Variants in NDRG4 observed in about 807,000 individuals in gnomAD.
NDRG4 encodes NDRG family member 4, also known as protein NDRG4.
Under a neutral mutation model 55.8 loss-of-function variants are expected in NDRG4, and 38 were observed. The observed-to-expected ratio is 0.68, with a 90% CI of 0.53 to 0.89. The LOEUF (loss-of-function observed/expected upper bound fraction) is 0.89. Ranked by LOEUF, NDRG4 falls within the 40% of genes least tolerant of loss-of-function variation. The pLI, the probability that NDRG4 is intolerant of heterozygous loss-of-function variation, is 0.00. For missense variants in NDRG4, 455 were observed against 468.6 expected (o/e 0.97, Z 0.27); for synonymous variants, 190 against 182.7 (o/e 1.04, Z -0.32).
rs150978842 is a variant in NDRG4, at chr16:58,507,831, G to A, written c.644G>A (p.Arg215Gln). The A allele has an allele frequency of 2.2e-5, 35 of 1,613,944 alleles. No individual in the cohort carries two copies. Among genetic ancestry groups the A allele is most frequent in the Non-Finnish European group, 2.7e-5 (32 of 1,179,996 alleles). ...AGCCGCAGAGACCTGGACATTAACC[G>A]GCCTGGAACGGTGCCCAATGCCAAG... ...YNSRRDLDIN[R>Q]PGTVPNAKTL... The change falls in exon 9 of 15, where the codon CGG becomes CAG. Residue 215 changes from arginine (R) to glutamine (Q), a missense_variant. Arg to Gln is a conservative substitution (Grantham distance 43). Coordinates refer to ENST00000570248, the MANE Select transcript of NDRG4 (RefSeq NM_001242835.2).
intron 1 of NDRG4, among the ~76,000 whole-genome samples, chr16:58,485,217 G>A (rs8063047): frequency 0.85 from 129,274 of 152,128 alleles, 56,126 homozygotes; most frequent in Non-Finnish European, 0.94. Flanking sequence ...CTCTGCCACC[G>A]TGCTGTGGAA....
chr16:58,508,053 A>C, intron 10 of NDRG4, 54 bp downstream of exon 10: 1 of 1,456,668 alleles, frequency 6.9e-7, no homozygotes, highest in Non-Finnish European at 9.3e-7. Flanking sequence ...TGAGGGGCTC[A>C]CTGGCCCCTG....
chr16:58,487,337 A>G (rs1358625229), intron 1 of NDRG4, among the ~76,000 whole-genome samples: 1 of 152,138 alleles, frequency 6.6e-6, no homozygotes, highest in Non-Finnish European at 1.5e-5. Context: ...GCTGACCACC[A>G]TGGTGAAACC....
At chr16:58,483,569 C>T (rs1379168168) in intron 1 of NDRG4, among the ~76,000 whole-genome samples, 1 of 152,170 alleles carries the variant, frequency 6.6e-6, no homozygotes, top group African/African-American at 2.4e-5. Context: ...TTTCCTCTCC[C>T]TCATCCCCTG....
chr16:58,492,489 C>CGTGTGT (rs58901035), intron 2 of NDRG4, among the ~76,000 whole-genome samples: 27 of 124,040 alleles, frequency 2.2e-4, no homozygotes, highest in South Asian at 8.4e-4. Context: ...TCTGCTCCAC[C>CGTGTGT]GTGTGTGTGT....
rs765374511 is a variant in NDRG4, at chr16:58,506,484, T to G, written c.459+11T>G. On this transcript the variant is annotated intron_variant, in intron 6 of 14. Coordinates refer to ENST00000570248, the MANE Select transcript of NDRG4 (RefSeq NM_001242835.2). The stretch of plus-strand genomic sequence containing the variant: ...TGGGCTGCCACCAAGGTGTGTGTGG[T>G]GACCGGGGGTGGGGTGGGTATACCT... 6.3e-7 allele frequency: 1 copy of G among 1,595,746 alleles called. No individual in the cohort carries two copies. The highest frequency in any genetic ancestry group is 1.1e-5 in the South Asian group (1 of 89,900).
chr16:58,473,600 A>T (rs570405646), intron 1 of NDRG4, among the ~76,000 whole-genome samples: 1 of 151,980 alleles, frequency 6.6e-6, no homozygotes. Context: ...ATCCTTCCAT[A>T]GCTCCACCAA....
chr16:58,507,425 CCTCA>C, intron 8 of NDRG4: 1 of 356,644 alleles, frequency 2.8e-6, no homozygotes, highest in Admixed American at 4.2e-5. Context: ...GGCCAGGCCC[CCTCA>C]CTCACGTGCC....
At chr16:58,505,523 C>T (rs932290127) in intron 5 of NDRG4, among the ~76,000 whole-genome samples, 15 of 151,558 alleles carry the variant, frequency 9.9e-5, no homozygotes, top group Admixed American at 4.6e-4. Context: ...GTTGCAATGT[C>T]AGCACTTAAT....
chr16:58,477,674 C>A (rs1038840009), intron 1 of NDRG4, among the ~76,000 whole-genome samples: 1 of 147,168 alleles, frequency 6.8e-6, no homozygotes, highest in Non-Finnish European at 1.5e-5. Flanking sequence ...TCTTCTTTTC[C>A]TCAGCAGGAA....
rs778996022 is a variant in NDRG4, at chr16:58,511,414, G to A, written c.905-8G>A. The A allele has an allele frequency of 5.6e-6, 9 of 1,599,014 alleles. No homozygotes were observed. Among genetic ancestry groups the A allele is most frequent in the South Asian group, 1.1e-5 (1 of 89,956 alleles). ...CAGTCCTCAGGCCCATCCTGTCTCTGTCCACAGTGCCCTCAGCCAGCATGA... is the reference window on the plus strand; with the variant it reads ...CAGTCCTCAGGCCCATCCTGTCTCTATCCACAGTGCCCTCAGCCAGCATGA... On this transcript the variant is annotated splice_region_variant and splice_polypyrimidine_tract_variant and intron_variant, in intron 14 of 14. Transcript: ENST00000570248.
At chr16:58,510,188 G>T (rs1039750276) in intron 13 of NDRG4, among the ~76,000 whole-genome samples, 18 of 152,354 alleles carry the variant, frequency 1.2e-4, no homozygotes, top group Non-Finnish European at 2.4e-4. Flanking sequence ...CAGAGCCCTA[G>T]GGCCCACAGG....
intron 1 of NDRG4, among the ~76,000 whole-genome samples, chr16:58,482,495 ATGTGT>A (rs1240590129): frequency 2.0e-5 from 3 of 151,848 alleles, no homozygotes; most frequent in African/African-American, 4.8e-5. Flanking sequence ...GTGATCCTTC[ATGTGT>A]AGCACTGTCC....
At chr16:58,507,775 ACCTCTG>A (rs2038233228) in intron 8 of NDRG4, 27 bp from the exon 9 acceptor site, 13 of 1,609,250 alleles carry the variant, frequency 8.1e-6, no homozygotes, top group Non-Finnish European at 8.5e-6. Context: ...TGGGGTGCCC[ACCTCTG>A]CCTCTGCCCC....
intron 1 of NDRG4, among the ~76,000 whole-genome samples, chr16:58,471,524 C>T (rs571845149): frequency 6.6e-6 from 1 of 152,198 alleles, no homozygotes; most frequent in African/African-American, 2.4e-5. Flanking sequence ...TGAAGAGCAT[C>T]ACACAAACCT....
In NDRG4 at chr16:58,482,725, C is replaced by T. The variant is rs12149689; in HGVS notation, c.-23-5031C>T. 2.3e-5 allele frequency among the ~76,000 whole-genome samples: 3 copies of T among 131,182 alleles called. No individual in the cohort carries two copies. In the Admixed American group the frequency reaches 2.6e-4, roughly 11 times the overall value. The allele number at this position is 131,182 out of a possible 152,430, so 86.1% of individuals were successfully genotyped here. A position where few individuals can be genotyped will look rare whatever the true frequency, so the allele number is the denominator to read the frequency against. The stretch of plus-strand genomic sequence containing the variant: ...CCTCCCTCCTTTCCTTCCTCCCTCC[C>T]TCCCTCCCTTCCTTCCTCCCTCCCT... On this transcript the variant is annotated intron_variant, in intron 1 of 15. Coordinates refer to the NDRG4 transcript ENST00000258187.
chr16:58,502,804 T>G (rs957314767), intron 1 of NDRG4, among the ~76,000 whole-genome samples: 8 of 152,210 alleles, frequency 5.3e-5, no homozygotes, highest in Non-Finnish European at 1.2e-4. Flanking sequence ...CTCACAATGA[T>G]GCAGAGAGGA....
Position 58,507,796 on chromosome 16 carries a change from C to T in NDRG4, c.621-12C>T. 1 of 1,612,998 alleles carries T rather than the reference C, an allele frequency of 6.2e-7. No homozygotes were observed. The highest frequency in any genetic ancestry group is 8.5e-7 in the Non-Finnish European group (1 of 1,179,656). On this transcript the variant is annotated splice_polypyrimidine_tract_variant and intron_variant, in intron 8 of 14. Transcript: ENST00000570248. ...GCCCACCTCTGCCTCTGCCCCTCCC[C>T]CTGCCCCACAGCCGCAGAGACCTGG...
In NDRG4 at chr16:58,504,278, G is replaced by A; in HGVS notation, c.248+4G>A. The stretch of plus-strand genomic sequence containing the variant: ...GGGCGTCGCAGTTTCCTCAGGGGTA[G>A]GTACCCTGAGCCCCCTCTGCCTGTC... On this transcript the variant is annotated splice_donor_region_variant and intron_variant, in intron 3 of 14. Coordinates refer to ENST00000570248, the MANE Select transcript of NDRG4 (RefSeq NM_001242835.2). 3 of 1,614,090 alleles carry A rather than the reference G, an allele frequency of 1.9e-6. No homozygotes were observed. The highest frequency in any genetic ancestry group is 2.5e-6 in the Non-Finnish European group (3 of 1,180,002).
Sources: gnomAD v4.1 joint callset for allele counts (sites outside exome capture counted in the v4.1 genomes callset) on GRCh38, gnomAD v4.1.1 for gene constraint, MANE v1.5 for transcripts, NCBI Gene and HGNC (gene_info 2026-07-23, HGNC 2026-07-21) for gene names.